The following MANEAL variants were observed in gnomAD, a reference collection of about 807,000 sequenced individuals.
MANEAL encodes the protein glycoprotein endo-alpha-1,2-mannosidase-like protein.
Under a neutral mutation model 35.9 loss-of-function variants are expected in MANEAL, and 28 were observed. The observed-to-expected ratio is 0.78, with a 90% CI of 0.58 to 1.07. The LOEUF is 1.07. MANEAL is among the 50% of genes least tolerant of loss of function. The pLI, the probability that MANEAL is intolerant of heterozygous loss-of-function variation, is 0.00. For synonymous variants in MANEAL, 286 were observed against 272.2 expected, an observed-to-expected ratio of 1.05 and a Z score of -0.50; for missense variants, 576 against 629.6, an observed-to-expected ratio of 0.91 and a Z score of 0.91.
At position 37,794,623 on chromosome 1, in the gene MANEAL, C is replaced by A. The variant is rs771600104; in HGVS notation, c.441C>A (p.Ser147Arg). Residue 147 changes from serine to arginine, a missense_variant, in exon 1 of 4, where the codon AGC becomes AGA. Physicochemically the swap from Ser to Arg is moderately radical, Grantham distance 110. Transcript: ENST00000373045. The surrounding 1 kb of genome is among the most constrained non-coding windows in gnomAD (Gnocchi z 5.7). ...ISASYPRGRH[S>R]PPDDLGSSFY... ...CCAGCTACCCCCGCGGCCGCCACAGCCCCCCAGACGACTTGGGCTCCAGCT... is the reference window on the plus strand; with the variant it reads ...CCAGCTACCCCCGCGGCCGCCACAGACCCCCAGACGACTTGGGCTCCAGCT... The A allele has an allele frequency of 3.7e-6, 6 of 1,610,928 alleles. No homozygotes were observed. The highest frequency in any genetic ancestry group is 5.1e-6 in the Non-Finnish European group (6 of 1,179,406).
At chr1:37,795,942 C>A in intron 2 of MANEAL, 96 bp downstream of exon 2, 1 of 1,084,776 alleles carries the variant, frequency 9.2e-7, no homozygotes, top group Non-Finnish European at 1.4e-6. Context: ...AAGTTCTTGG[C>A]AGTAGCCCAA....
chr1:37,796,872 G>A, intron 3 of MANEAL, 52 bp downstream of exon 3: 1 of 1,538,638 alleles, frequency 6.5e-7, no homozygotes, highest in East Asian at 2.3e-5. Context: ...ATGGAGGTAG[G>A]GATAGAAGGT....
rs767349873 is a variant in MANEAL, at chr1:37,796,731, CTGTT to C, written c.661-9_661-6del. The C allele has an allele frequency of 6.2e-6, 10 of 1,600,564 alleles. No homozygotes were observed. The South Asian group carries it at 1.0e-4, about 16-fold the overall frequency. On this transcript the variant is annotated splice_polypyrimidine_tract_variant and intron_variant, in intron 2 of 3. Transcript: ENST00000373045. The stretch of plus-strand genomic sequence containing the variant: ...AGACACTCACCTGACCATTACTCCT[CTGTT>C]TGTGGCAGGTGGCCTTCCACATCCA...
At chr1:37,797,876 A>G (rs1646658358) in intron 3 of MANEAL, among the ~76,000 whole-genome samples, 1 of 152,002 alleles carries the variant, frequency 6.6e-6, no homozygotes, top group Non-Finnish European at 1.5e-5. Context: ...ACAGGTGTGA[A>G]CCACTGCACC....
In MANEAL at chr1:37,794,739, G is replaced by GC; in HGVS notation, c.550+13dup. Reference sequence around the variant, plus strand: ...CTCAAGGAAGCCGCCATCGGTGAGCGCCCCCCACCCCGGGCGGCCCTGCCC... The same window carrying GC: ...CTCAAGGAAGCCGCCATCGGTGAGCGCCCCCCCACCCCGGGCGGCCCTGCCC... On this transcript the variant is annotated splice_region_variant and intron_variant, in intron 1 of 3. Coordinates refer to ENST00000373045, the MANE Select transcript of MANEAL (RefSeq NM_001113482.2). The surrounding 1 kb of genome is among the most constrained non-coding windows in gnomAD (Gnocchi z 5.7). 1 of 1,543,870 alleles carries GC rather than the reference G, an allele frequency of 6.5e-7. No homozygotes were observed. The highest frequency in any genetic ancestry group is 8.7e-7 in the Non-Finnish European group (1 of 1,145,338).
chr1:37,799,889 T>G lies in MANEAL; in HGVS notation c.1060T>G (p.Phe354Val). 1 of 1,614,246 alleles carries G rather than the reference T, an allele frequency of 6.2e-7. No homozygotes were observed. Among genetic ancestry groups the G allele is most frequent in the Non-Finnish European group, 8.5e-7 (1 of 1,180,042 alleles). ...CTTTTGTGATGCCAACAACCTCATG[T>G]TCATCCCCAGTGTGGGGCCTGGCTA... ...KNFCDANNLM[F>V]IPSVGPGYID... Residue 354 changes from phenylalanine to valine, a missense_variant, in exon 4 of 4, where the codon TTC becomes GTC. By Grantham distance (50) the Phe-to-Val change is conservative. Around this residue, in one of 3 missense-constraint regions of MANEAL, gnomAD observed 449 missense variants for 516.1 expected, o/e 0.87. Coordinates refer to ENST00000373045, the MANE Select transcript of MANEAL (RefSeq NM_001113482.2). This position sits in a 1 kb window ranked among gnomAD's most constrained non-coding sequence, Gnocchi z 4.1.
At position 37,794,279 on chromosome 1, in the gene MANEAL, G is replaced by T; in HGVS notation, c.97G>T (p.Asp33Tyr). 2 of 1,264,354 alleles carry T rather than the reference G, an allele frequency of 1.6e-6. No individual in the cohort carries two copies. The highest frequency in any genetic ancestry group is 1.0e-6 in the Non-Finnish European group (1 of 991,128). The allele number at this position is 1,264,354 out of a possible 1,614,324, so 78.3% of individuals were successfully genotyped here. The stretch of plus-strand genomic sequence containing the variant: ...GGGTCTGCGCACGCTCAAGGCTCCG[G>T]ACGGACTCCCGGCGCTGGGCCCGGG... ...LMGLRTLKAP[D>Y]GLPALGPGLE... Residue 33 changes from aspartate (D) to tyrosine (Y), a missense_variant, in exon 1 of 4, where the codon GAC becomes TAC. By Grantham distance (160) the Asp-to-Tyr change is radical. Transcript: ENST00000373045. The surrounding 1 kb of genome is among the most constrained non-coding windows in gnomAD (Gnocchi z 5.7).
intron 1 of MANEAL, chr1:37,795,346 T>C (rs1343960146): frequency 3.4e-6 from 1 of 290,342 alleles, no homozygotes; most frequent in Non-Finnish European, 5.4e-6. Flanking sequence ...TGCTGGATTT[T>C]ACAGATGGCC....
intron 2 of MANEAL, 29 bp from the exon 3 acceptor site, chr1:37,796,715 C>A (rs746500084): frequency 4.4e-6 from 7 of 1,584,692 alleles, no homozygotes; most frequent in Non-Finnish European, 6.0e-6. Flanking sequence ...TAGACACTCA[C>A]CTGACCATTA....
chr1:37,796,598 G>A (rs1035128841), intron 2 of MANEAL, 146 bp from the exon 3 acceptor site: 12 of 716,600 alleles, frequency 1.7e-5, no homozygotes, highest in Non-Finnish European at 2.8e-5. Context: ...AAGGGCAGCA[G>A]CTGCCTTTAT....
intron 2 of MANEAL, 133 bp from the exon 3 acceptor site, chr1:37,796,605 TTATCTC>T (rs1646647035): frequency 2.6e-6 from 2 of 763,694 alleles, no homozygotes; most frequent in Admixed American, 2.8e-5. Context: ...GCAGCTGCCT[TTATCTC>T]TACTGTGCCC....
In MANEAL at chr1:37,799,515, C is replaced by A; in HGVS notation, c.738-52C>A. ...CGTATCTCATCCACGGGAGGTCCTA[C>A]AGCTGTGCTGGTCTCTCCCATCCAG... On this transcript the variant is annotated intron_variant, in intron 3 of 3. Coordinates refer to ENST00000373045, the MANE Select transcript of MANEAL (RefSeq NM_001113482.2). This position sits in a 1 kb window ranked among gnomAD's most constrained non-coding sequence, Gnocchi z 4.1. 1 of 1,568,626 alleles carries A rather than the reference C, an allele frequency of 6.4e-7. No individual in the cohort carries two copies. Among genetic ancestry groups the A allele is most frequent in the South Asian group, 1.2e-5 (1 of 84,842 alleles).
At chr1:37,796,881 G>C (rs1646650173) in intron 3 of MANEAL, 61 bp downstream of exon 3, 1 of 1,482,408 alleles carries the variant, frequency 6.7e-7, no homozygotes, top group Admixed American at 1.9e-5. Context: ...GGGATAGAAG[G>C]TTTGGAGGGG....
Position 37,794,499 on chromosome 1 carries a change from A to C in MANEAL, c.317A>C (p.His106Pro), listed in dbSNP as rs773663912. 11 of 1,607,728 alleles carry C rather than the reference A, an allele frequency of 6.8e-6. No individual in the cohort carries two copies. Among genetic ancestry groups the C allele is most frequent in the South Asian group, 1.1e-5 (1 of 90,038 alleles). Residue 106 changes from histidine (H) to proline (P), a missense_variant, in exon 1 of 4, where the codon CAC becomes CCC. Physicochemically the swap from His to Pro is moderately conservative, Grantham distance 77. Coordinates refer to ENST00000373045, the MANE Select transcript of MANEAL (RefSeq NM_001113482.2). The surrounding 1 kb of genome is among the most constrained non-coding windows in gnomAD (Gnocchi z 5.7). ...VQSLRVYSDL[H>P]AFYYSWYGSP... Reference sequence around the variant, plus strand: ...AGCCTGCGCGTCTACTCGGACCTGCACGCCTTCTACTACTCGTGGTACGGG... The same window carrying C: ...AGCCTGCGCGTCTACTCGGACCTGCCCGCCTTCTACTACTCGTGGTACGGG...
chr1:37,796,820 C>T lies in MANEAL; in HGVS notation c.737C>T (p.Thr246Met), dbSNP rs200060171. The T allele has an allele frequency of 2.3e-4, 374 of 1,608,738 alleles. No homozygotes were observed. The highest frequency in any genetic ancestry group is 6.9e-4 in the East Asian group (31 of 44,750). The change falls in exon 3 of 4, where the codon ACG becomes ATG. Residue 246 changes from threonine to methionine, a missense_variant and splice_region_variant. Coordinates refer to ENST00000373045, the MANE Select transcript of MANEAL (RefSeq NM_001113482.2). ...VHDNIKYIID[T>M]YGSHGAFYRY... Reference sequence around the variant, plus strand: ...GACAACATCAAGTACATCATTGACACGTAAGGCTGCTCTGGGGGCCGGGAT... The same window carrying T: ...GACAACATCAAGTACATCATTGACATGTAAGGCTGCTCTGGGGGCCGGGAT...
chr1:37,797,058 G>A (rs967848248), intron 3 of MANEAL, among the ~76,000 whole-genome samples: 1 of 152,186 alleles, frequency 6.6e-6, no homozygotes, highest in African/African-American at 2.4e-5. Flanking sequence ...AGAATCACAC[G>A]AATTAATATA....
At position 37,794,614 on chromosome 1, in the gene MANEAL, CCG is replaced by C; in HGVS notation, c.434_435del (p.Arg145ProfsTer52). On this transcript the variant is annotated frameshift_variant, in exon 1 of 4. Coordinates refer to ENST00000373045, the MANE Select transcript of MANEAL (RefSeq NM_001113482.2). LOFTEE classifies it high-confidence loss of function. The surrounding 1 kb of genome is among the most constrained non-coding windows in gnomAD (Gnocchi z 5.7). ...AGATCTCGGCCAGCTACCCCCGCGGCCGCCACAGCCCCCCAGACGACTTGGGC... is the reference window on the plus strand; with the variant it reads ...AGATCTCGGCCAGCTACCCCCGCGGCCCACAGCCCCCCAGACGACTTGGGC... Reference protein sequence around the residue: ...PKISASYPRGRHSPPDDLGSS... With the variant: ...PKISASYPRGXHSPPDDLGSS... 1 of 1,611,284 alleles carries C rather than the reference CCG, an allele frequency of 6.2e-7. No homozygotes were observed. Among genetic ancestry groups the C allele is most frequent in the Non-Finnish European group, 8.5e-7 (1 of 1,179,510 alleles).
At chr1:37,795,694 G>A (rs998625484) in intron 1 of MANEAL, 43 bp from the exon 2 acceptor site, 5 of 1,612,884 alleles carry the variant, frequency 3.1e-6, no homozygotes, top group African/African-American at 2.7e-5. Flanking sequence ...CTGTTGAGGG[G>A]GGTACTGTGT....
At position 37,796,774 on chromosome 1, in the gene MANEAL, C is replaced by T. The variant is rs769790863; in HGVS notation, c.691C>T (p.Arg231Trp). Residue 231 changes from arginine (R) to tryptophan (W), a missense_variant, in exon 3 of 4, where the codon CGG (arginine) becomes TGG (tryptophan). By Grantham distance (101) the Arg-to-Trp change is moderately radical. This residue lies in a region of MANEAL where 449 missense variants were observed against 516.1 expected (regional missense o/e 0.87). Transcript: ENST00000373045. ...VAFHIQPYKG[R>W]DDITVHDNIK... ...CTTCCACATCCAACCCTACAAGGGCCGGGATGACATCACTGTACATGACAA... is the reference window on the plus strand; with the variant it reads ...CTTCCACATCCAACCCTACAAGGGCTGGGATGACATCACTGTACATGACAA... 18 of 1,606,962 alleles carry T rather than the reference C, an allele frequency of 1.1e-5. 1 individual carries two copies. The highest frequency in any genetic ancestry group is 4.4e-5 in the South Asian group (4 of 89,898).
Sources: allele counts gnomAD v4.1 joint callset (sites outside exome capture counted in the v4.1 genomes callset), GRCh38; gene constraint gnomAD v4.1.1; regional missense constraint gnomAD v4.1.1; non-coding constraint Gnocchi (gnomAD v3.1); transcripts MANE v1.5; gene names NCBI Gene and HGNC (gene_info 2026-07-23, HGNC 2026-07-21).